Variants in SCYL2 observed in about 807,000 individuals in gnomAD.
SCYL2 encodes the protein SCY1 like pseudokinase 2, also known as SCY1-like protein 2.
SCYL2 carries 36 observed loss-of-function variants against 100.4 expected under a neutral mutation model. That is an observed-to-expected ratio of 0.36 (90% CI 0.27 to 0.47). The LOEUF (loss-of-function observed/expected upper bound fraction) is 0.47. Among genes scored for constraint, SCYL2 ranks in the 20% least tolerant of loss-of-function variants. SCYL2 has a pLI of 1.00. For missense variants in SCYL2, 902 were observed against 1,083.9 expected (o/e 0.83, Z 2.36); for synonymous variants, 330 against 359.2 (o/e 0.92, Z 0.92).
chr12:100,335,888 A>G lies in SCYL2; in HGVS notation c.2007A>G (p.Leu669=). ...GSESENKEDG[L]QNKHKRASLT... is the part of the protein sequence containing the mutation. ...AGTCCGAAAATAAAGAGGACGGGTT[A>G]CAGAATAAACATAAAAGAGTGAGTT... is the stretch of plus-strand genomic sequence containing the variant. Residue 669 remains leucine (L), a synonymous_variant, in exon 16 of 18, where the codon TTA becomes TTG. Coordinates refer to ENST00000360820, the MANE Select transcript of SCYL2 (RefSeq NM_017988.6). The G allele has an allele frequency of 1.9e-6, 3 of 1,612,200 alleles. No homozygotes were observed. The highest frequency in any genetic ancestry group is 1.7e-6 in the Non-Finnish European group (2 of 1,178,418).
chr12:100,277,602 A>G (rs1393888677), intron 1 of SCYL2, among the ~76,000 whole-genome samples: 1 of 152,120 alleles, frequency 6.6e-6, no homozygotes, highest in Non-Finnish European at 1.5e-5. Flanking sequence ...TATACTTTTA[A>G]AGTGGGTTTT....
chr12:100,270,818 T>C (rs1046893076), intron 1 of SCYL2, among the ~76,000 whole-genome samples: 3 of 151,972 alleles, frequency 2.0e-5, no homozygotes, highest in African/African-American at 7.3e-5. Context: ...GTCTTAAAAT[T>C]TGTGACCAGT....
At chr12:100,336,070 T>A (rs1952273278) in intron 16 of SCYL2, among the ~76,000 whole-genome samples, 164 bp downstream of exon 16, 1 of 152,170 alleles carries the variant, frequency 6.6e-6, no homozygotes, top group African/African-American at 2.4e-5. Flanking sequence ...TAACCCATTT[T>A]GAGAATAAAC....
At position 100,267,357 on chromosome 12, in the gene SCYL2, G is replaced by T. The variant is rs1022572484; in HGVS notation, c.-464G>T. 2.4e-5 allele frequency: 8 copies of T among 332,302 alleles called. No homozygotes were observed. Among genetic ancestry groups the T allele is most frequent in the East Asian group, 1.6e-4 (3 of 18,646 alleles). 20.6% of individuals were successfully genotyped at this position (332,302 alleles called of 1,614,324 possible). On this transcript the variant is annotated 5_prime_UTR_variant, in exon 1 of 18. Transcript: ENST00000360820. Reference sequence around the variant, plus strand: ...GAGGCGTTTATTAGGGGGGCGGGGGGAAAGAGCCCCAGCACCGCCCCTCCT... The same window carrying T: ...GAGGCGTTTATTAGGGGGGCGGGGGTAAAGAGCCCCAGCACCGCCCCTCCT...
intron 2 of SCYL2, among the ~76,000 whole-genome samples, chr12:100,291,239 A>G (rs1444773196): frequency 3.3e-5 from 5 of 152,168 alleles, no homozygotes; most frequent in Non-Finnish European, 5.9e-5. Flanking sequence ...AGGAAACAAC[A>G]TATTGTACAC....
At chr12:100,315,203 C>T (rs576555593) in intron 8 of SCYL2, among the ~76,000 whole-genome samples, 6 of 152,196 alleles carry the variant, frequency 3.9e-5, no homozygotes, top group Non-Finnish European at 8.8e-5. Context: ...CTAGGGTTAA[C>T]GTGTGAAACA....
intron 10 of SCYL2, among the ~76,000 whole-genome samples, chr12:100,321,440 A>G (rs1220275478): frequency 2.0e-5 from 3 of 152,026 alleles, no homozygotes; most frequent in African/African-American, 7.3e-5. Context: ...TTCTCAAGCC[A>G]TTTCTTCTTT....
At chr12:100,309,108 G>T (rs1006569496) in intron 4 of SCYL2, among the ~76,000 whole-genome samples, 18 of 125,712 alleles carry the variant, frequency 1.4e-4, no homozygotes, top group African/African-American at 4.9e-4. Flanking sequence ...ATTTTGATTT[G>T]TGTGTGTGTG....
intron 9 of SCYL2, among the ~76,000 whole-genome samples, chr12:100,317,227 A>G (rs2096349955): frequency 6.6e-6 from 1 of 152,216 alleles, no homozygotes; most frequent in Non-Finnish European, 1.5e-5. Context: ...ATGACCAGGG[A>G]CAACTTAAAA....
chr12:100,299,661 A>G (rs2053364894), intron 4 of SCYL2, among the ~76,000 whole-genome samples: 1 of 151,450 alleles, frequency 6.6e-6, no homozygotes, highest in Non-Finnish European at 1.5e-5. Flanking sequence ...AACCAACATA[A>G]TTATTTGAGA....
At chr12:100,329,405 T>TAA in intron 13 of SCYL2, 86 bp downstream of exon 13, 2 of 576,014 alleles carry the variant, frequency 3.5e-6, no homozygotes, top group Non-Finnish European at 3.1e-6. Context: ...AAAGATTGGT[T>TAA]AAAAAAAAAA....
chr12:100,286,785 TAATA>T (rs979938063), intron 2 of SCYL2, among the ~76,000 whole-genome samples: 12 of 151,622 alleles, frequency 7.9e-5, no homozygotes, highest in African/African-American at 2.9e-4. Flanking sequence ...AATTAAATTA[TAATA>T]AATAATTAAA....
At chr12:100,305,029 A>C (rs2096332563) in intron 4 of SCYL2, among the ~76,000 whole-genome samples, 1 of 152,170 alleles carries the variant, frequency 6.6e-6, no homozygotes, top group African/African-American at 2.4e-5. Context: ...CTACAAAGAG[A>C]CTTAGACTCC....
chr12:100,300,908 T>A (rs1404276528), intron 4 of SCYL2, among the ~76,000 whole-genome samples: 1 of 152,248 alleles, frequency 6.6e-6, no homozygotes, highest in African/African-American at 2.4e-5. Context: ...GATGGACACT[T>A]AGTTTGCCTC....
rs751424506 is a variant in SCYL2, at chr12:100,334,147, C to T, written c.1762-19C>T. On this transcript the variant is annotated intron_variant, in intron 13 of 17. Transcript: ENST00000360820. ...CTAACTTGAAACATTGTAACCATAT[C>T]AATTTCTCATTATACCAGTTCAATT... The T allele has an allele frequency of 9.5e-6, 13 of 1,362,712 alleles. No homozygotes were observed. The highest frequency in any genetic ancestry group is 6.9e-5 in the Admixed American group (4 of 58,180). The allele number at this position is 1,362,712 out of a possible 1,614,324, so 84.4% of individuals were successfully genotyped here.
At chr12:100,318,329 CTTTTTTTTTTTTTT>C in intron 10 of SCYL2, among the ~76,000 whole-genome samples, 1 of 130,950 alleles carries the variant, frequency 7.6e-6, no homozygotes, top group South Asian at 2.4e-4. Flanking sequence ...TCTTTTCTTT[CTTTTTTTTTTTTTT>C]TTTTTGAGAC....
At chr12:100,306,098 TTCTGAAACTATTCCAAACAATAGAAAAA>T in intron 4 of SCYL2, among the ~76,000 whole-genome samples, 2 of 152,272 alleles carry the variant, frequency 1.3e-5, no homozygotes, top group South Asian at 4.2e-4. Context: ...GTACCATTCC[TTCTGAAACTATTCCAAACAATAGAAAAA>T]GAGGGACTCC....
chr12:100,272,321 G>T (rs1249533060), intron 1 of SCYL2, among the ~76,000 whole-genome samples: 1 of 152,078 alleles, frequency 6.6e-6, no homozygotes, highest in Non-Finnish European at 1.5e-5. Context: ...TTAAGAAAAG[G>T]TATTTGGACT....
At chr12:100,319,326 T>A (rs1207566484) in intron 10 of SCYL2, 1 of 452,688 alleles carries the variant, frequency 2.2e-6, no homozygotes, top group Non-Finnish European at 4.4e-6. Context: ...TTAAAGAAAT[T>A]GTGAATTATA....
Sources: allele counts gnomAD v4.1 joint callset (sites outside exome capture counted in the v4.1 genomes callset), GRCh38; gene constraint gnomAD v4.1.1; transcripts MANE v1.5; gene names NCBI Gene and HGNC (gene_info 2026-07-23, HGNC 2026-07-21).